RALGPS1: variants seen among roughly 807,000 people sequenced by gnomAD.
RALGPS1 encodes Ral GEF with PH domain and SH3 binding motif 1.
Under a neutral mutation model 78.8 loss-of-function variants are expected in RALGPS1, and 19 were observed. The observed-to-expected ratio is 0.24, with a 90% CI of 0.17 to 0.35. RALGPS1 has a LOEUF of 0.35. Among genes scored for constraint, RALGPS1 ranks in the 10% least tolerant of loss-of-function variants. The pLI is 1.00. For synonymous variants in RALGPS1, 228 were observed against 256.3 expected (o/e 0.89, Z 1.06); for missense variants, 454 against 688.3 (o/e 0.66, Z 3.81).
intron 9 of RALGPS1, among the ~76,000 whole-genome samples, chr9:127,166,667 G>A (rs2059308530): frequency 6.6e-6 from 1 of 152,184 alleles, no homozygotes; most frequent in South Asian, 2.1e-4. Flanking sequence ...ATATGGGTGG[G>A]TTTTATGGTC....
At chr9:126,945,735 C>G (rs541729730) in intron 1 of RALGPS1, among the ~76,000 whole-genome samples, 2 of 152,206 alleles carry the variant, frequency 1.3e-5, no homozygotes, top group Admixed American at 6.5e-5. Context: ...CAGGCCTGTT[C>G]TCAGGTCTCA....
At position 127,021,573 on chromosome 9, in the gene RALGPS1, A is replaced by C. The variant is rs1405857729; in HGVS notation, c.217-12858A>C. Among the ~76,000 whole-genome samples, 10 of 150,612 alleles carry C rather than the reference A, an allele frequency of 6.6e-5. 1 individual carries two copies. Among genetic ancestry groups the C allele is most frequent in the Admixed American group, 6.6e-4 (10 of 15,128 alleles). ...CTTCTGTATCATGCAGGTTTTCTGT[A>C]ATGAACATGTATTAGGTCCCTAATT... On this transcript the variant is annotated intron_variant, in intron 4 of 18. Transcript: ENST00000259351.
chr9:127,002,447 T>TTC (rs370641016), intron 4 of RALGPS1, among the ~76,000 whole-genome samples: 2 of 116,444 alleles, frequency 1.7e-5, no homozygotes, highest in Non-Finnish European at 3.8e-5. Context: ...TTTTTTTTTT[T>TTC]CTTTTTTTTT....
In RALGPS1 at chr9:127,000,534, CTTTTTTTTTTTT is replaced by C. The variant is rs1163116649; in HGVS notation, c.216+22809_216+22820del. On this transcript the variant is annotated intron_variant, in intron 4 of 18. Transcript: ENST00000259351. ...TCCTGCTATTGATTTCTTGTCTTGT[CTTTTTTTTTTTT>C]TTTTTTTTTTTTTTTTTTTGAGATG... is the stretch of plus-strand genomic sequence containing the variant. Among the ~76,000 whole-genome samples, 26 of 33,338 alleles carry C rather than the reference CTTTTTTTTTTTT, an allele frequency of 7.8e-4. No individual in the cohort carries two copies. The South Asian group carries it at 0.011, about 14-fold the overall frequency. The allele number at this position is 33,338 out of a possible 152,430, so 21.9% of individuals were successfully genotyped here.
intron 5 of RALGPS1, among the ~76,000 whole-genome samples, chr9:127,040,504 G>A (rs1201366556): frequency 6.6e-6 from 1 of 152,206 alleles, no homozygotes; most frequent in Non-Finnish European, 1.5e-5. Flanking sequence ...AGGACATGGT[G>A]AGAGGAAAGG....
At chr9:126,983,416 T>G (rs886455245) in intron 4 of RALGPS1, among the ~76,000 whole-genome samples, 1 of 152,222 alleles carries the variant, frequency 6.6e-6, no homozygotes, top group Non-Finnish European at 1.5e-5. Context: ...CTGGAAATTT[T>G]GAAAGCAAAT....
chr9:127,029,848 C>T (rs1293747027), intron 4 of RALGPS1, among the ~76,000 whole-genome samples: 1 of 152,186 alleles, frequency 6.6e-6, no homozygotes, highest in East Asian at 1.9e-4. Flanking sequence ...ACTCCCAGAC[C>T]CCTAAGCACA....
chr9:127,039,901 G>C (rs1321695116), intron 5 of RALGPS1, among the ~76,000 whole-genome samples: 1 of 152,200 alleles, frequency 6.6e-6, no homozygotes, highest in African/African-American at 2.4e-5. Flanking sequence ...CTTGGGCAGT[G>C]ATGGTGGCCC....
intron 4 of RALGPS1, among the ~76,000 whole-genome samples, chr9:127,029,321 A>G (rs1011010529): frequency 1.2e-4 from 18 of 152,260 alleles, no homozygotes; most frequent in African/African-American, 4.3e-4. Flanking sequence ...TGACTGCCTT[A>G]CTGGGTCACC....
intron 8 of RALGPS1, among the ~76,000 whole-genome samples, chr9:127,130,621 A>G (rs1038404446): frequency 1.3e-5 from 2 of 152,266 alleles, no homozygotes; most frequent in Non-Finnish European, 2.9e-5. Context: ...GTGGAAAGCA[A>G]GCTTATGGAA....
chr9:126,978,668 C>G (rs1292741081), intron 4 of RALGPS1, among the ~76,000 whole-genome samples: 1 of 151,738 alleles, frequency 6.6e-6, no homozygotes, highest in Non-Finnish European at 1.5e-5. Flanking sequence ...GATAAAGGGA[C>G]ACTTTACAGA....
At chr9:127,217,152 G>A in intron 18 of RALGPS1, 4 of 1,274,780 alleles carry the variant, frequency 3.1e-6, no homozygotes, top group Non-Finnish European at 4.0e-6. Flanking sequence ...GCACTAATGG[G>A]TCAGTTTCAT....
chr9:127,100,290 T>C (rs1435202013), intron 8 of RALGPS1, among the ~76,000 whole-genome samples: 2 of 152,210 alleles, frequency 1.3e-5, no homozygotes, highest in African/African-American at 4.8e-5. Context: ...GTCATTTCAA[T>C]GCATGTGATA....
At chr9:127,040,394 G>C (rs1405175801) in intron 5 of RALGPS1, among the ~76,000 whole-genome samples, 1 of 151,904 alleles carries the variant, frequency 6.6e-6, no homozygotes, top group Non-Finnish European at 1.5e-5. Context: ...AGAGTGAAAC[G>C]CTGTCTCAGA....
At chr9:127,148,923 T>C (rs894461555) in intron 8 of RALGPS1, among the ~76,000 whole-genome samples, 1 of 152,238 alleles carries the variant, frequency 6.6e-6, no homozygotes, top group African/African-American at 2.4e-5. Context: ...CTCGTTTCTC[T>C]GCAGTCTGGG....
intron 3 of RALGPS1, among the ~76,000 whole-genome samples, chr9:126,974,451 A>G (rs1464131408): frequency 6.6e-6 from 1 of 152,156 alleles, no homozygotes; most frequent in African/African-American, 2.4e-5. Flanking sequence ...AGACCCTTAC[A>G]TTTAAGGTTG....
intron 11 of RALGPS1, among the ~76,000 whole-genome samples, chr9:127,194,477 A>G (rs1324265877): frequency 1.3e-5 from 2 of 152,284 alleles, no homozygotes; most frequent in East Asian, 3.9e-4. Context: ...CAGTGGCACA[A>G]TCTTGGCTCA....
intron 8 of RALGPS1, among the ~76,000 whole-genome samples, chr9:127,127,649 T>C (rs1485657301): frequency 6.6e-6 from 1 of 152,234 alleles, no homozygotes; most frequent in African/African-American, 2.4e-5. Flanking sequence ...CTTATGTAGC[T>C]ACTTGTGATG....
chr9:127,142,038 G>T (rs1038640460), intron 8 of RALGPS1, among the ~76,000 whole-genome samples: 2 of 152,170 alleles, frequency 1.3e-5, no homozygotes, highest in East Asian at 3.9e-4. Context: ...TAGGTCTGTT[G>T]ATAATGACAG....
Sources: allele counts gnomAD v4.1 joint callset (sites outside exome capture counted in the v4.1 genomes callset), GRCh38; gene constraint gnomAD v4.1.1; transcripts MANE v1.5; gene names NCBI Gene and HGNC (gene_info 2026-07-23, HGNC 2026-07-21).